The following PLEKHA6 variants were observed in gnomAD, a reference collection of about 807,000 sequenced individuals.
PLEKHA6 encodes the protein pleckstrin homology domain containing A6, also known as pleckstrin homology domain-containing family A member 6.
Under a neutral mutation model 116.7 loss-of-function variants are expected in PLEKHA6, and 60 were observed. That is an observed-to-expected ratio of 0.51 (90% CI 0.42 to 0.64). The LOEUF (loss-of-function observed/expected upper bound fraction) is 0.64, where lower values mean the gene tolerates loss of function less well. Ranked by LOEUF, PLEKHA6 falls within the 30% of genes least tolerant of loss-of-function variation. PLEKHA6 has a pLI of 0.00. For synonymous variants in PLEKHA6, 489 were observed against 556.1 expected, an observed-to-expected ratio of 0.88 and a Z score of 1.70; for missense variants, 1,338 against 1,422.7, an observed-to-expected ratio of 0.94 and a Z score of 0.96.
intron 1 of PLEKHA6, among the ~76,000 whole-genome samples, chr1:204,334,177 G>A (rs1049398325): frequency 6.6e-6 from 1 of 152,206 alleles, no homozygotes; most frequent in African/African-American, 2.4e-5. Context: ...CTCCCCTGTG[G>A]TGAACATGCT....
intron 3 of PLEKHA6, among the ~76,000 whole-genome samples, chr1:204,366,305 G>A (rs993708318): frequency 3.9e-5 from 6 of 152,156 alleles, no homozygotes; most frequent in Non-Finnish European, 7.3e-5. Flanking sequence ...TAACTGTCAT[G>A]TGATATTAGA....
At chr1:204,319,679 C>T (rs1671986429) in intron 1 of PLEKHA6, among the ~76,000 whole-genome samples, 1 of 152,166 alleles carries the variant, frequency 6.6e-6, no homozygotes, top group African/African-American at 2.4e-5. Flanking sequence ...ATGTCTGCCT[C>T]CCCCACAGCA....
At chr1:204,338,358 T>G (rs1672728102) in intron 1 of PLEKHA6, among the ~76,000 whole-genome samples, 1 of 152,234 alleles carries the variant, frequency 6.6e-6, no homozygotes, top group African/African-American at 2.4e-5. Flanking sequence ...CTCTGTTAAA[T>G]GCACATACAA....
At chr1:204,350,046 G>A (rs899019104) in intron 1 of PLEKHA6, among the ~76,000 whole-genome samples, 5 of 152,230 alleles carry the variant, frequency 3.3e-5, no homozygotes, top group Admixed American at 2.6e-4. Context: ...TTCTGGCCAG[G>A]CGCAGTGGTT....
chr1:204,228,615 C>T lies in PLEKHA6; in HGVS notation c.2885+113G>A, dbSNP rs940850812. On this transcript the variant is annotated intron_variant, in intron 20 of 22. Transcript: ENST00000272203. The surrounding 1 kb of genome is among the most constrained non-coding windows in gnomAD (Gnocchi z 4.0). ...CCCTGTCTGCTGCCTGGAGTCACCA[C>T]CTCGATGTGCTCTCCCCTGGGGAGG... is the stretch of plus-strand genomic sequence containing the variant. The T allele has an allele frequency of 7.2e-6, 7 of 973,840 alleles. No individual in the cohort carries two copies. The East Asian group carries it at 7.2e-5, about 10-fold the overall frequency. 60.3% of individuals were successfully genotyped at this position (973,840 alleles called of 1,614,324 possible). A position where few individuals can be genotyped will look rare whatever the true frequency, so the allele number is the denominator to read the frequency against.
upstream of PLEKHA6, among the ~76,000 whole-genome samples, chr1:204,363,500 G>C (rs538432190): frequency 4.5e-4 from 68 of 152,304 alleles, no homozygotes; most frequent in African/African-American, 1.5e-3. Flanking sequence ...GTGTGGCTCT[G>C]CAGAAAGCGT....
chr1:204,282,816 G>A, intron 1 of PLEKHA6: 1 of 985,242 alleles, frequency 1.0e-6, no homozygotes, highest in African/African-American at 1.7e-5. Context: ...CTAAAGAGAG[G>A]GGGAATTCAA....
intron 1 of PLEKHA6, among the ~76,000 whole-genome samples, chr1:204,358,751 C>G (rs1673484346): frequency 6.6e-6 from 1 of 152,104 alleles, no homozygotes; most frequent in Non-Finnish European, 1.5e-5. Context: ...CTCTCCCTCC[C>G]CACCCCTGTG....
chr1:204,290,854 G>A (rs574739052), intron 1 of PLEKHA6, among the ~76,000 whole-genome samples: 7 of 152,142 alleles, frequency 4.6e-5, no homozygotes, highest in African/African-American at 1.7e-4. Context: ...GCCAGGCATG[G>A]TGGCGTGCAC....
intron 1 of PLEKHA6, among the ~76,000 whole-genome samples, chr1:204,324,262 G>A (rs4076841): frequency 0.38 from 57,557 of 151,940 alleles, 12,137 homozygotes; most frequent in Middle Eastern, 0.48. Flanking sequence ...GCTATGGATC[G>A]TGAAGGGATT....
chr1:204,314,464 C>A (rs1401588133), intron 1 of PLEKHA6, among the ~76,000 whole-genome samples: 7 of 152,200 alleles, frequency 4.6e-5, no homozygotes, highest in African/African-American at 1.7e-4. Context: ...ACAGTAAGTG[C>A]AGAGAAGGAT....
chr1:204,285,992 T>C (rs1669132651), intron 1 of PLEKHA6, among the ~76,000 whole-genome samples: 1 of 152,084 alleles, frequency 6.6e-6, no homozygotes, highest in African/African-American at 2.4e-5. Flanking sequence ...GAAGCTGGCA[T>C]GGAGGAGGAC....
intron 2 of PLEKHA6, among the ~76,000 whole-genome samples, chr1:204,371,267 G>A (rs1673769645): frequency 6.6e-6 from 1 of 152,156 alleles, no homozygotes; most frequent in Admixed American, 6.5e-5. Context: ...CTGGGCAGAG[G>A]GATGAAAGAT....
chr1:204,313,370 A>T (rs938022964), intron 1 of PLEKHA6, among the ~76,000 whole-genome samples: 2 of 152,100 alleles, frequency 1.3e-5, no homozygotes, highest in Admixed American at 6.5e-5. Context: ...GGGTGCTGGA[A>T]AAACACCGGG....
chr1:204,248,930 A>C lies in PLEKHA6; in HGVS notation c.1715T>G (p.Leu572Arg). ...ESALMGTHQE[L>R]EMFGSQPAYP... ...GGCGGGCTGGCTTCCAAACATCTCC[A>C]GCTCCTGGTGGGTCCCCATCAAGGC... The change falls in exon 12 of 23, where the codon CTG becomes CGG. Residue 572 changes from leucine to arginine, a missense_variant. Transcript: ENST00000272203. 1 of 1,614,092 alleles carries C rather than the reference A, an allele frequency of 6.2e-7. No individual in the cohort carries two copies. Among genetic ancestry groups the C allele is most frequent in the Non-Finnish European group, 8.5e-7 (1 of 1,179,986 alleles).
intron 13 of PLEKHA6, among the ~76,000 whole-genome samples, chr1:204,246,331 C>T (rs772314928): frequency 6.6e-6 from 1 of 152,214 alleles, no homozygotes; most frequent in Non-Finnish European, 1.5e-5. Context: ...AAGAGACTTA[C>T]ACCCAAGGCC....
At chr1:204,235,428 A>G (rs934368129) in intron 17 of PLEKHA6, among the ~76,000 whole-genome samples, 6 of 152,128 alleles carry the variant, frequency 3.9e-5, no homozygotes, top group Non-Finnish European at 8.8e-5. Context: ...AAAATGATGA[A>G]CTCAGGGATT....
chr1:204,373,060 A>C (rs972356791), intron 1 of PLEKHA6, among the ~76,000 whole-genome samples: 1 of 147,076 alleles, frequency 6.8e-6, no homozygotes, highest in Non-Finnish European at 1.5e-5. Flanking sequence ...GGCATGTACC[A>C]CCATGTCTGG....
At chr1:204,368,739 G>A (rs1439698390) in intron 2 of PLEKHA6, 1 of 152,374 alleles carries the variant, frequency 6.6e-6, no homozygotes, top group African/African-American at 2.4e-5. Context: ...ACTGTCAGAG[G>A]TGGGGACAGT....
Sources: allele counts gnomAD v4.1 joint callset (sites outside exome capture counted in the v4.1 genomes callset), GRCh38; gene constraint gnomAD v4.1.1; non-coding constraint Gnocchi (gnomAD v3.1); transcripts MANE v1.5; gene names NCBI Gene and HGNC (gene_info 2026-07-23, HGNC 2026-07-21).